Variants in CSMD1 observed in about 807,000 individuals in gnomAD.
CSMD1 encodes the protein CUB and sushi domain-containing protein 1.
A neutral mutation model predicts 417.5 loss-of-function variants in CSMD1; 213 were observed. That is an observed-to-expected ratio of 0.51 (90% confidence interval 0.46 to 0.57). CSMD1 has a LOEUF of 0.57. CSMD1 is among the 20% of genes least tolerant of loss of function. The pLI, the probability that CSMD1 is intolerant of heterozygous loss-of-function variation, is 0.00. For synonymous variants in CSMD1, 2,862 were observed against 1,736.8 expected (o/e 1.65, Z -16.11); for missense variants, 6,923 against 4,529.7 (o/e 1.53, Z -15.17).
Position 3,813,808 on chromosome 8 carries a change from A to G in CSMD1, c.819-59766T>C, listed in dbSNP as rs117892807. On this transcript the variant is annotated intron_variant, in intron 5 of 69. Transcript: ENST00000635120. ...TCTATTAATGTCTTCTGTTACTGAA[A>G]AACTTAAAGTATGTCTTCTTGAAAG... 1.1e-4 allele frequency among the ~76,000 whole-genome samples: 16 copies of G among 148,412 alleles called. No individual in the cohort carries two copies. In the East Asian group the frequency reaches 3.1e-3, roughly 29 times the overall value.
At chr8:3,552,237 A>G (rs1024599983) in intron 10 of CSMD1, among the ~76,000 whole-genome samples, 8 of 152,208 alleles carry the variant, frequency 5.3e-5, no homozygotes, top group African/African-American at 1.9e-4. Flanking sequence ...GGCTGAGGAA[A>G]TTACAAAAAA....
intron 1 of CSMD1, among the ~76,000 whole-genome samples, chr8:4,841,815 G>A (rs1800850837): frequency 6.8e-6 from 1 of 147,742 alleles, no homozygotes; most frequent in African/African-American, 2.5e-5. Flanking sequence ...GGAGGCTGAG[G>A]CAGGAGAATC....
intron 1 of CSMD1, among the ~76,000 whole-genome samples, chr8:4,931,450 C>A (rs1184381792): frequency 6.6e-6 from 1 of 152,128 alleles, no homozygotes; most frequent in East Asian, 1.9e-4. Flanking sequence ...ATTTCAAACG[C>A]CCAGCCTGCC....
At chr8:4,926,490 T>C (rs556850437) in intron 1 of CSMD1, among the ~76,000 whole-genome samples, 3 of 152,270 alleles carry the variant, frequency 2.0e-5, no homozygotes, top group Non-Finnish European at 2.9e-5. Flanking sequence ...GTAATTTTTC[T>C]ATGTAAATGT....
intron 7 of CSMD1, among the ~76,000 whole-genome samples, chr8:3,663,959 G>T (rs777548301): frequency 6.6e-6 from 1 of 152,150 alleles, no homozygotes; most frequent in South Asian, 2.1e-4. Flanking sequence ...CCAAGGCTTT[G>T]TTCAAACATT....
chr8:3,960,807 A>G (rs970954495), intron 5 of CSMD1, among the ~76,000 whole-genome samples: 30 of 152,042 alleles, frequency 2.0e-4, no homozygotes, highest in African/African-American at 6.5e-4. Flanking sequence ...ACAATTTATT[A>G]TTTTTACTGA....
chr8:3,252,380 G>T (rs571844698), intron 26 of CSMD1, among the ~76,000 whole-genome samples: 2 of 152,300 alleles, frequency 1.3e-5, no homozygotes, highest in South Asian at 2.1e-4. Context: ...ATTTGCATAT[G>T]TTGAACCAGC....
At chr8:3,893,602 A>G (rs1215085291) in intron 5 of CSMD1, among the ~76,000 whole-genome samples, 1 of 151,654 alleles carries the variant, frequency 6.6e-6, no homozygotes, top group Non-Finnish European at 1.5e-5. Context: ...TCCCATCTCC[A>G]CCATTAGAAT....
chr8:3,995,905 C>T (rs535919194), intron 5 of CSMD1, among the ~76,000 whole-genome samples: 1 of 152,268 alleles, frequency 6.6e-6, no homozygotes, highest in South Asian at 2.1e-4. Context: ...GCTTCCCTAG[C>T]AAATACAGAG....
At chr8:4,174,877 T>G (rs1232866214) in intron 3 of CSMD1, among the ~76,000 whole-genome samples, 1 of 150,268 alleles carries the variant, frequency 6.7e-6, no homozygotes, top group African/African-American at 2.5e-5. Context: ...GATGTTAATG[T>G]ACACTAGACA....
At chr8:4,298,865 T>A (rs1563411819) in intron 3 of CSMD1, among the ~76,000 whole-genome samples, 1 of 152,188 alleles carries the variant, frequency 6.6e-6, no homozygotes, top group East Asian at 1.9e-4. Flanking sequence ...CTGGTATAAT[T>A]CTTTAATTAG....
intron 10 of CSMD1, among the ~76,000 whole-genome samples, chr8:3,539,689 T>G (rs370209439): frequency 7.9e-5 from 12 of 151,368 alleles, no homozygotes; most frequent in African/African-American, 2.7e-4. Flanking sequence ...CCAAATCAAG[T>G]GTGGGATAAC....
At position 4,063,148 on chromosome 8, in the gene CSMD1, A is replaced by C. The variant is rs201045725; in HGVS notation, c.416-31049T>G. On this transcript the variant is annotated intron_variant, in intron 3 of 69. Coordinates refer to ENST00000635120, the MANE Select transcript of CSMD1 (RefSeq NM_033225.6). ...TTATTGTGTATTTCAAAATGCCTAG[A>C]AGATTTGGAAATGATAAATGTTGAC... Among the ~76,000 whole-genome samples the C allele has an allele frequency of 1.1e-4, 17 of 152,248 alleles. No homozygotes were observed. The East Asian group carries it at 2.9e-3, about 26-fold the overall frequency.
At chr8:4,874,343 A>C (rs1332566365) in intron 1 of CSMD1, among the ~76,000 whole-genome samples, 1 of 151,644 alleles carries the variant, frequency 6.6e-6, no homozygotes, top group Non-Finnish European at 1.5e-5. Flanking sequence ...TTAATACATA[A>C]ATGAAAAGAA....
At chr8:3,386,723 A>G (rs1224179086) in intron 18 of CSMD1, among the ~76,000 whole-genome samples, 1 of 152,172 alleles carries the variant, frequency 6.6e-6, no homozygotes, top group Non-Finnish European at 1.5e-5. Context: ...TTCCATAGAA[A>G]CAATGTTTCC....
At chr8:4,477,344 T>C (rs114837809) in intron 2 of CSMD1, among the ~76,000 whole-genome samples, 15,123 of 152,092 alleles carry the variant, frequency 0.099, 851 homozygotes, top group African/African-American at 0.14. Context: ...AGTTAGGCTG[T>C]CATGGCAGCC....
chr8:3,231,353 C>G (rs1009833346), intron 26 of CSMD1, among the ~76,000 whole-genome samples: 2 of 151,664 alleles, frequency 1.3e-5, no homozygotes, highest in Non-Finnish European at 2.9e-5. Flanking sequence ...TTTTCAACAC[C>G]AAGTTTTATG....
intron 26 of CSMD1, among the ~76,000 whole-genome samples, chr8:3,267,009 A>T (rs1220794420): frequency 6.6e-6 from 1 of 152,158 alleles, no homozygotes; most frequent in African/African-American, 2.4e-5. Context: ...TATGTGAACG[A>T]TGGTAGTTTT....
At chr8:3,412,333 C>T (rs552168266) in intron 12 of CSMD1, among the ~76,000 whole-genome samples, 17 of 152,040 alleles carry the variant, frequency 1.1e-4, no homozygotes, top group African/African-American at 4.1e-4. Context: ...AACCTAACCA[C>T]TTTCTAATCA....
Sources: gnomAD v4.1 joint callset for allele counts (sites outside exome capture counted in the v4.1 genomes callset) on GRCh38, gnomAD v4.1.1 for gene constraint, MANE v1.5 for transcripts, NCBI Gene and HGNC (gene_info 2026-07-23, HGNC 2026-07-21) for gene names.